Variants in DPH5 observed in about 807,000 individuals in gnomAD.
The protein encoded by DPH5 is diphthamide biosynthesis 5.
In DPH5, 31 loss-of-function variants were observed where a neutral mutation model predicts 31.6. The ratio of observed to expected loss-of-function variants is 0.98; its 90% CI spans 0.74 to 1.32. The LOEUF (loss-of-function observed/expected upper bound fraction) is 1.32, where lower values mean the gene tolerates loss of function less well. Ranked by LOEUF, DPH5 falls within the 40% of genes most tolerant of loss-of-function variation. The pLI is 0.00. For missense variants in DPH5, 309 were observed against 335.7 expected (o/e 0.92, Z 0.62); for synonymous variants, 120 against 115.0 (o/e 1.04, Z -0.28).
chr1:101,021,888 G>T (rs1660487981), intron 2 of DPH5, 123 bp from the exon 3 acceptor site: 3 of 961,286 alleles, frequency 3.1e-6, no homozygotes, highest in Non-Finnish European at 4.5e-6. Flanking sequence ...GCATATGTTG[G>T]CAACCACCCA....
At chr1:101,006,976 T>C (rs1659277598) in intron 4 of DPH5, among the ~76,000 whole-genome samples, 1 of 152,106 alleles carries the variant, frequency 6.6e-6, no homozygotes, top group South Asian at 2.1e-4. Context: ...TTCATGGAAC[T>C]GTCTCATTTA....
At position 101,001,595 on chromosome 1, in the gene DPH5, A is replaced by G; in HGVS notation, c.370-8T>C. 1 of 1,543,312 alleles carries G rather than the reference A, an allele frequency of 6.5e-7. No homozygotes were observed. Among genetic ancestry groups the G allele is most frequent in the Non-Finnish European group, 8.9e-7 (1 of 1,127,748 alleles). ...CTCTCCAAACTTATATAACTAGAAA[A>G]AAAAACATTAATTAATGATGGAACA... On this transcript the variant is annotated splice_region_variant and splice_polypyrimidine_tract_variant and intron_variant, in intron 4 of 7. Transcript: ENST00000370109.
At chr1:101,013,909 G>A in intron 3 of DPH5, 91 bp from the exon 4 acceptor site, 1 of 952,060 alleles carries the variant, frequency 1.1e-6, no homozygotes, top group Non-Finnish European at 1.5e-6. Flanking sequence ...AATTAAAGAG[G>A]CAGGAGCACT....
intron 7 of DPH5, among the ~76,000 whole-genome samples, chr1:100,991,663 C>A (rs1247710734): frequency 6.6e-6 from 1 of 151,580 alleles, no homozygotes; most frequent in Non-Finnish European, 1.5e-5. Context: ...GTGGCATGCA[C>A]CTGTAGTCCC....
intron 3 of DPH5, among the ~76,000 whole-genome samples, chr1:101,014,255 T>G (rs893396703): frequency 6.6e-6 from 1 of 152,224 alleles, no homozygotes; most frequent in Non-Finnish European, 1.5e-5. Flanking sequence ...TTGAAGACTT[T>G]GTCTTTGTAT....
chr1:101,009,453 CT>C (rs2101224519), intron 4 of DPH5, among the ~76,000 whole-genome samples: 1 of 152,276 alleles, frequency 6.6e-6, no homozygotes, highest in African/African-American at 2.4e-5. Flanking sequence ...ACCCCAATTC[CT>C]TTCCTAGGAC....
intron 3 of DPH5, among the ~76,000 whole-genome samples, chr1:101,016,859 C>A (rs887005115): frequency 3.3e-5 from 5 of 152,170 alleles, no homozygotes; most frequent in African/African-American, 1.2e-4. Flanking sequence ...ATTGACCTAA[C>A]TTCAATATTG....
intron 4 of DPH5, among the ~76,000 whole-genome samples, chr1:101,007,442 G>A (rs1175139031): frequency 6.6e-6 from 1 of 152,084 alleles, no homozygotes; most frequent in Admixed American, 6.6e-5. Context: ...GGCCGGGCGC[G>A]GTGGCTCATG....
At chr1:101,017,396 T>C (rs1188634481) in intron 3 of DPH5, among the ~76,000 whole-genome samples, 2 of 152,212 alleles carry the variant, frequency 1.3e-5, no homozygotes, top group African/African-American at 2.4e-5. Context: ...TGTGTATGCG[T>C]ATGTACGTAT....
At chr1:100,991,632 C>T (rs1482552082) in intron 7 of DPH5, among the ~76,000 whole-genome samples, 2 of 151,398 alleles carry the variant, frequency 1.3e-5, no homozygotes, top group South Asian at 2.1e-4. Flanking sequence ...ACCAAAAATA[C>T]AAAAAAATTA....
In DPH5 at chr1:100,992,726, T is replaced by C. The variant is rs1657881274; in HGVS notation, c.545A>G (p.Tyr182Cys). Reference sequence around the variant, plus strand: ...TACACTCATATACCGTGGAGGTTCATAGATCTTCCTTCCCCTATAGGCAGA... The same window carrying C: ...TACACTCATATACCGTGGAGGTTCACAGATCTTCCTTCCCCTATAGGCAGA... ...LENLIKGRKI[Y>C]EPPRYMSVNQ... The change falls in exon 7 of 8, where the codon TAT (tyrosine) becomes TGT (cysteine). Residue 182 changes from tyrosine (Y) to cysteine (C), a missense_variant. Physicochemically the swap from Tyr to Cys is radical, Grantham distance 194 (BLOSUM62 -2). Coordinates refer to ENST00000370109, the MANE Select transcript of DPH5 (RefSeq NM_015958.3). 2.5e-6 allele frequency: 4 copies of C among 1,612,908 alleles called. No individual in the cohort carries two copies. Among genetic ancestry groups the C allele is most frequent in the Non-Finnish European group, 3.4e-6 (4 of 1,179,156 alleles).
At chr1:101,014,281 G>A (rs530094145) in intron 3 of DPH5, among the ~76,000 whole-genome samples, 6 of 152,138 alleles carry the variant, frequency 3.9e-5, no homozygotes, top group South Asian at 4.1e-4. Flanking sequence ...ATATAAGGCA[G>A]AATATACACG....
At chr1:101,013,236 G>C (rs975759585) in intron 4 of DPH5, among the ~76,000 whole-genome samples, 3 of 152,128 alleles carry the variant, frequency 2.0e-5, no homozygotes, top group African/African-American at 7.2e-5. Flanking sequence ...TAACCCCTCA[G>C]AACCAAGACT....
intron 4 of DPH5, among the ~76,000 whole-genome samples, chr1:101,007,472 G>C (rs1433382563): frequency 6.6e-6 from 1 of 152,092 alleles, no homozygotes; most frequent in Non-Finnish European, 1.5e-5. Context: ...CCAGCACTTT[G>C]GGAGGCCTAG....
At chr1:101,024,060 T>G (rs957082232) in intron 2 of DPH5, among the ~76,000 whole-genome samples, 6 of 152,194 alleles carry the variant, frequency 3.9e-5, no homozygotes, top group African/African-American at 1.4e-4. Context: ...CTTAGATATT[T>G]TGGTTCTATC....
intron 3 of DPH5, among the ~76,000 whole-genome samples, chr1:101,020,044 C>G (rs981971151): frequency 3.9e-5 from 6 of 152,096 alleles, no homozygotes; most frequent in Non-Finnish European, 7.4e-5. Flanking sequence ...TAAAGAGTAG[C>G]TAGAGAAAAA....
chr1:100,992,275 A>G (rs1657823177), intron 7 of DPH5, among the ~76,000 whole-genome samples: 1 of 152,204 alleles, frequency 6.6e-6, no homozygotes, highest in South Asian at 2.1e-4. Flanking sequence ...TAAAAGAACG[A>G]TAAGTATATT....
intron 3 of DPH5, among the ~76,000 whole-genome samples, chr1:101,020,210 C>T (rs1467093639): frequency 1.3e-5 from 2 of 152,122 alleles, no homozygotes; most frequent in Non-Finnish European, 2.9e-5. Flanking sequence ...CTATAATCTC[C>T]ATCTGTTGAA....
At chr1:101,017,330 T>G (rs1660152969) in intron 3 of DPH5, among the ~76,000 whole-genome samples, 1 of 152,214 alleles carries the variant, frequency 6.6e-6, no homozygotes, top group Admixed American at 6.5e-5. Context: ...GGATTTTATA[T>G]CTGTCCAGCA....
Sources: allele counts gnomAD v4.1 joint callset (sites outside exome capture counted in the v4.1 genomes callset), GRCh38; gene constraint gnomAD v4.1.1; transcripts MANE v1.5; gene names NCBI Gene and HGNC (gene_info 2026-07-23, HGNC 2026-07-21).